KCTD8: variants seen among roughly 807,000 people sequenced by gnomAD.
KCTD8 encodes the protein BTB/POZ domain-containing protein KCTD8.
In KCTD8, 27 loss-of-function variants were observed where a neutral mutation model predicts 31.5. The observed-to-expected ratio is 0.86, with a 90% CI of 0.63 to 1.18. The LOEUF is 1.18. Among genes scored for constraint, KCTD8 ranks in the 50% most tolerant of loss-of-function variants. KCTD8 has a pLI of 0.00. For missense variants in KCTD8, 658 were observed against 647.7 expected, an observed-to-expected ratio of 1.02 and a Z score of -0.17; for synonymous variants, 290 against 280.0, an observed-to-expected ratio of 1.04 and a Z score of -0.36.
intron 1 of KCTD8, among the ~76,000 whole-genome samples, chr4:44,423,478 G>GT (rs898099372): frequency 2.0e-4 from 31 of 152,206 alleles, no homozygotes; most frequent in Admixed American, 1.1e-3. Flanking sequence ...TGACACAGCT[G>GT]TGATTCCAGA....
At chr4:44,278,388 G>C (rs1577590029) in intron 1 of KCTD8, among the ~76,000 whole-genome samples, 1 of 151,914 alleles carries the variant, frequency 6.6e-6, no homozygotes, top group Admixed American at 6.6e-5. Context: ...GGCAGGAAAA[G>C]AAAAACAGCT....
chr4:44,379,207 T>TG (rs1368489793), intron 1 of KCTD8, among the ~76,000 whole-genome samples: 8 of 152,102 alleles, frequency 5.3e-5, no homozygotes, highest in Non-Finnish European at 1.0e-4. Context: ...TGGACATCTT[T>TG]GGGGGGTTAT....
rs1349903807 is a variant in KCTD8, at chr4:44,302,557, T to C, written c.962-127307A>G. On this transcript the variant is annotated intron_variant, in intron 1 of 1. Coordinates refer to ENST00000360029, the MANE Select transcript of KCTD8 (RefSeq NM_198353.3). The stretch of plus-strand genomic sequence containing the variant: ...TGTATAAGAATGCTTGTGATTTTTG[T>C]ACATTGATTTTGTATCCTGAGACTT... 2.2e-4 allele frequency among the ~76,000 whole-genome samples: 33 copies of C among 152,146 alleles called. No homozygotes were observed. In the South Asian group the frequency reaches 6.2e-3, roughly 29 times the overall value.
rs1721999690 is a variant in KCTD8, at chr4:44,448,145, T to C, written c.379A>G (p.Lys127Glu). The change falls in exon 1 of 2, where the codon AAG becomes GAG. Residue 127 changes from lysine to glutamate, a missense_variant. Lys to Glu is a moderately conservative substitution (Grantham distance 56). Coordinates refer to ENST00000360029, the MANE Select transcript of KCTD8 (RefSeq NM_198353.3). This position sits in a 1 kb window ranked among gnomAD's most constrained non-coding sequence, Gnocchi z 4.1. ...TCGGCCTCGCGCAGCAGCCGCTCCTTCTCGGGGAAGTGCTCCGGCAGCGCG... is the reference window on the plus strand; with the variant it reads ...TCGGCCTCGCGCAGCAGCCGCTCCTCCTCGGGGAAGTGCTCCGGCAGCGCG... ...QLALPEHFPE[K>E]ERLLREAEYF... is the part of the protein sequence containing the mutation. The C allele has an allele frequency of 6.2e-7, 1 of 1,612,394 alleles. No individual in the cohort carries two copies. The highest frequency in any genetic ancestry group is 8.5e-7 in the Non-Finnish European group (1 of 1,179,766).
chr4:44,256,724 G>A (rs1716004013), intron 1 of KCTD8, among the ~76,000 whole-genome samples: 1 of 151,892 alleles, frequency 6.6e-6, no homozygotes, highest in East Asian at 1.9e-4. Context: ...GCAGTTGAAA[G>A]CAGAGATCAG....
chr4:44,219,746 T>C (rs1468877628), intron 1 of KCTD8, among the ~76,000 whole-genome samples: 1 of 152,240 alleles, frequency 6.6e-6, no homozygotes, highest in Non-Finnish European at 1.5e-5. Context: ...AGGATACTAA[T>C]GACTTTATAA....
rs184049198 is a variant in KCTD8 at position 44,386,046 on chromosome 4, C to T, written c.961+61517G>A. On this transcript the variant is annotated intron_variant, in intron 1 of 1. Transcript: ENST00000360029. The stretch of plus-strand genomic sequence containing the variant: ...TAAGTAGTTACTACTTAAAAAAAAA[C>T]GGTTGATTTGTGAAGAATGTGGAGA... 2.6e-3 allele frequency among the ~76,000 whole-genome samples: 388 copies of T among 151,160 alleles called. 2 individuals are homozygous for T. Among genetic ancestry groups the T allele is most frequent in the African/African-American group, 9.0e-3 (373 of 41,308 alleles).
At chr4:44,301,538 T>A (rs1717622899) in intron 1 of KCTD8, among the ~76,000 whole-genome samples, 1 of 152,228 alleles carries the variant, frequency 6.6e-6, no homozygotes. Context: ...TCTGTTCATA[T>A]CCTTTGCCCA....
chr4:44,311,986 AT>A (rs1279991085), intron 1 of KCTD8, among the ~76,000 whole-genome samples: 1 of 151,846 alleles, frequency 6.6e-6, no homozygotes, highest in Non-Finnish European at 1.5e-5. Context: ...AAGAATCATA[AT>A]TATTTTATAG....
chr4:44,378,238 A>AATATATATATATAT (rs34144469), intron 1 of KCTD8, among the ~76,000 whole-genome samples: 6 of 143,760 alleles, frequency 4.2e-5, no homozygotes, highest in South Asian at 2.2e-4. Context: ...TATATGTATA[A>AATATATATATATAT]ATATATATAT....
intron 1 of KCTD8, among the ~76,000 whole-genome samples, chr4:44,433,599 TACAAG>T (rs1255537837): frequency 6.6e-6 from 1 of 151,768 alleles, no homozygotes; most frequent in Non-Finnish European, 1.5e-5. Context: ...ACTTATTTAC[TACAAG>T]ACATCTGATA....
intron 1 of KCTD8, among the ~76,000 whole-genome samples, chr4:44,210,170 T>G (rs965038132): frequency 1.3e-5 from 2 of 152,222 alleles, no homozygotes; most frequent in Non-Finnish European, 2.9e-5. Flanking sequence ...CATAATTTTT[T>G]TCCCTGAAAG....
intron 1 of KCTD8, among the ~76,000 whole-genome samples, chr4:44,314,269 C>A (rs934643846): frequency 1.3e-5 from 2 of 152,064 alleles, no homozygotes; most frequent in African/African-American, 4.8e-5. Context: ...ATAGAGGATT[C>A]TGTTTTGGAA....
At chr4:44,212,608 C>G (rs1308986906) in intron 1 of KCTD8, among the ~76,000 whole-genome samples, 1 of 152,112 alleles carries the variant, frequency 6.6e-6, no homozygotes, top group Non-Finnish European at 1.5e-5. Context: ...CAAGGGTCAA[C>G]TGTATTTCAA....
At chr4:44,346,499 C>T (rs1560431987) in intron 1 of KCTD8, among the ~76,000 whole-genome samples, 1 of 151,946 alleles carries the variant, frequency 6.6e-6, no homozygotes, top group Non-Finnish European at 1.5e-5. Context: ...AATTTCAGCT[C>T]GATTATACAA....
At chr4:44,264,673 A>C (rs1163339703) in intron 1 of KCTD8, among the ~76,000 whole-genome samples, 1 of 151,820 alleles carries the variant, frequency 6.6e-6, no homozygotes, top group Non-Finnish European at 1.5e-5. Context: ...AAATCGGGTC[A>C]CTCCCCCCCG....
intron 1 of KCTD8, among the ~76,000 whole-genome samples, chr4:44,184,581 G>A (rs1018245539): frequency 2.6e-5 from 4 of 152,088 alleles, no homozygotes; most frequent in South Asian, 4.1e-4. Context: ...TACTCATAGT[G>A]TGGCTCTCAG....
intron 1 of KCTD8, among the ~76,000 whole-genome samples, chr4:44,245,062 C>G (rs910308229): frequency 2.6e-5 from 4 of 152,136 alleles, no homozygotes; most frequent in African/African-American, 9.7e-5. Context: ...TAAACATACT[C>G]AACCATTCTC....
intron 1 of KCTD8, among the ~76,000 whole-genome samples, chr4:44,336,107 G>A (rs1481200157): frequency 5.3e-5 from 6 of 113,686 alleles, no homozygotes; most frequent in African/African-American, 2.1e-4. Flanking sequence ...CCGAGATCCC[G>A]CCACTGCACT....
Sources: allele counts gnomAD v4.1 joint callset (sites outside exome capture counted in the v4.1 genomes callset), GRCh38; gene constraint gnomAD v4.1.1; non-coding constraint Gnocchi (gnomAD v3.1); transcripts MANE v1.5; gene names NCBI Gene and HGNC (gene_info 2026-07-23, HGNC 2026-07-21).